KANSL1: variants seen among roughly 807,000 people sequenced by gnomAD.
KANSL1 encodes the protein MLL1/MLL complex subunit KANSL1.
A neutral mutation model predicts 103.6 loss-of-function variants in KANSL1; 22 were observed. The ratio of observed to expected loss-of-function variants is 0.21; its 90% confidence interval spans 0.15 to 0.30. The LOEUF is 0.30. Among genes scored for constraint, KANSL1 ranks in the 10% least tolerant of loss-of-function variants. The pLI, the probability that KANSL1 is intolerant of heterozygous loss-of-function variation, is 1.00. For synonymous variants in KANSL1, 600 were observed against 527.6 expected, an observed-to-expected ratio of 1.14 and a Z score of -1.88; for missense variants, 1,337 against 1,399.8, an observed-to-expected ratio of 0.96 and a Z score of 0.72.
intron 1 of KANSL1, among the ~76,000 whole-genome samples, chr17:46,204,406 A>C (rs2047899388): frequency 6.6e-6 from 1 of 152,214 alleles, no homozygotes; most frequent in Non-Finnish European, 1.5e-5. Flanking sequence ...TGGAGGTTGC[A>C]GTGAGCGGAG....
intron 6 of KANSL1, among the ~76,000 whole-genome samples, chr17:46,053,814 A>C (rs1320518858): frequency 2.6e-5 from 4 of 152,162 alleles, no homozygotes; most frequent in Non-Finnish European, 4.4e-5. Flanking sequence ...CATGTTGCAC[A>C]AATCCACACC....
intron 1 of KANSL1, among the ~76,000 whole-genome samples, chr17:46,210,254 C>A (rs1355903675): frequency 6.6e-6 from 1 of 152,090 alleles, no homozygotes; most frequent in Non-Finnish European, 1.5e-5. Flanking sequence ...GCGGGTGGAT[C>A]ATGAGGTCAG....
At chr17:46,145,468 A>G (rs1427145488) in intron 2 of KANSL1, among the ~76,000 whole-genome samples, 1 of 152,260 alleles carries the variant, frequency 6.6e-6, no homozygotes, top group Admixed American at 6.5e-5. Flanking sequence ...GGAAAAAAAG[A>G]GCTATCTAGA....
intron 7 of KANSL1, chr17:46,050,276 G>A: frequency 1.9e-6 from 1 of 516,620 alleles, no homozygotes; most frequent in Non-Finnish European, 3.4e-6. Context: ...TGTGGCTAGA[G>A]GCAACTGAGC....
Position 46,064,599 on chromosome 17 carries a change from T to A in KANSL1, c.1848+1938A>T, listed in dbSNP as rs373061797. Among the ~76,000 whole-genome samples the A allele has an allele frequency of 7.9e-5, 12 of 152,326 alleles. No homozygotes were observed. In the East Asian group the frequency reaches 2.3e-3, roughly 29 times the overall value. On this transcript the variant is annotated intron_variant, in intron 6 of 14. Coordinates refer to ENST00000432791, the MANE Select transcript of KANSL1 (RefSeq NM_015443.4). ...TTCTCAGCCTTCATCTTACTGATCC[T>A]GTCTGTAACAACTGACACAGACAAT...
At chr17:46,209,486 C>T (rs1334189169) in intron 1 of KANSL1, among the ~76,000 whole-genome samples, 4 of 152,106 alleles carry the variant, frequency 2.6e-5, no homozygotes, top group Non-Finnish European at 4.4e-5. Context: ...AAATAGTCTC[C>T]ATGGGTTTTT....
At chr17:46,170,650 T>A in intron 2 of KANSL1, 1 of 585,278 alleles carries the variant, frequency 1.7e-6, no homozygotes, top group South Asian at 2.7e-5. Flanking sequence ...CCATTTAGAC[T>A]ACAACAATAC....
intron 10 of KANSL1, 52 bp downstream of exon 10, chr17:46,038,486 T>A: frequency 8.2e-6 from 13 of 1,594,074 alleles, no homozygotes; most frequent in Non-Finnish European, 1.0e-5. Flanking sequence ...GCCACTTGAG[T>A]GAGCTGTGAC....
intron 3 of KANSL1, among the ~76,000 whole-genome samples, chr17:46,089,702 C>T (rs1441279430): frequency 6.6e-6 from 1 of 152,028 alleles, no homozygotes; most frequent in African/African-American, 2.4e-5. Context: ...AAAAAAAAAC[C>T]CAAGCACTTA....
chr17:46,154,194 A>G (rs1287574455), intron 2 of KANSL1, among the ~76,000 whole-genome samples: 1 of 152,240 alleles, frequency 6.6e-6, no homozygotes, highest in Non-Finnish European at 1.5e-5. Flanking sequence ...ACCCCAGTTA[A>G]GCTGTGGAAA....
At chr17:46,154,515 C>T (rs1359290189) in intron 2 of KANSL1, among the ~76,000 whole-genome samples, 1 of 152,170 alleles carries the variant, frequency 6.6e-6, no homozygotes, top group Non-Finnish European at 1.5e-5. Context: ...TCCTTGAGCT[C>T]AAGTGATCCC....
At chr17:46,098,260 A>C (rs1261143768) in intron 2 of KANSL1, among the ~76,000 whole-genome samples, 4 of 151,846 alleles carry the variant, frequency 2.6e-5, no homozygotes, top group South Asian at 4.1e-4. Flanking sequence ...TCTATCCTGC[A>C]AAATCTTTTG....
chr17:46,081,978 AG>A (rs2079003633), intron 4 of KANSL1, among the ~76,000 whole-genome samples: 1 of 152,244 alleles, frequency 6.6e-6, no homozygotes, highest in African/African-American at 2.4e-5. Context: ...AGGATACAGA[AG>A]GAAACAGAAA....
At chr17:46,047,670 C>T (rs939540503) in intron 7 of KANSL1, among the ~76,000 whole-genome samples, 10 of 151,790 alleles carry the variant, frequency 6.6e-5, no homozygotes, top group Admixed American at 1.3e-4. Context: ...ACTTGTAGTC[C>T]CAGATACTTA....
intron 2 of KANSL1, among the ~76,000 whole-genome samples, chr17:46,126,001 C>A (rs963052211): frequency 2.0e-5 from 3 of 152,200 alleles, no homozygotes; most frequent in African/African-American, 4.8e-5. Context: ...ACTGAGCAAT[C>A]TGGACAAAGT....
intron 6 of KANSL1, among the ~76,000 whole-genome samples, chr17:46,059,911 C>T (rs370709707): frequency 1.6e-3 from 239 of 151,408 alleles, no homozygotes; most frequent in African/African-American, 5.6e-3. Context: ...TCCAGCCTGG[C>T]GACAGAGCGA....
At chr17:46,212,291 G>C (rs1266668619) in intron 1 of KANSL1, among the ~76,000 whole-genome samples, 1 of 151,676 alleles carries the variant, frequency 6.6e-6, no homozygotes, top group African/African-American at 2.4e-5. Context: ...CACCATCTCA[G>C]CTCACTGCAA....
chr17:46,062,114 C>CAAAAAAAAAAAAAAAAAA (rs1192815524), intron 6 of KANSL1, among the ~76,000 whole-genome samples: 3 of 37,120 alleles, frequency 8.1e-5, no homozygotes, highest in Non-Finnish European at 1.3e-4. Flanking sequence ...AAAAAACAAA[C>CAAAAAAAAAAAAAAAAAA]AAACAAAAAA....
At chr17:46,140,288 T>G (rs1435856575) in intron 2 of KANSL1, among the ~76,000 whole-genome samples, 1 of 152,040 alleles carries the variant, frequency 6.6e-6, no homozygotes, top group South Asian at 2.1e-4. Flanking sequence ...GTAAAACACA[T>G]GATGGGGAAA....
Sources: allele counts gnomAD v4.1 joint callset (sites outside exome capture counted in the v4.1 genomes callset), GRCh38; gene constraint gnomAD v4.1.1; transcripts MANE v1.5; gene names NCBI Gene and HGNC (gene_info 2026-07-23, HGNC 2026-07-21).